The following NTRK2 variants were observed in gnomAD, a reference collection of about 807,000 sequenced individuals.
NTRK2 encodes the protein neurotrophic receptor tyrosine kinase 2.
A neutral mutation model predicts 94.5 loss-of-function variants in NTRK2; 13 were observed. The observed-to-expected ratio is 0.14, with a 90% confidence interval of 0.09 to 0.22. NTRK2 has a LOEUF of 0.22. Ranked by LOEUF, NTRK2 falls within the 10% of genes least tolerant of loss-of-function variation. The pLI, the probability that NTRK2 is intolerant of heterozygous loss-of-function variation, is 1.00. For synonymous variants in NTRK2, 372 were observed against 407.4 expected, an observed-to-expected ratio of 0.91 and a Z score of 1.05; for missense variants, 639 against 1,071.2, an observed-to-expected ratio of 0.60 and a Z score of 5.63.
chr9:84,713,446 T>A (rs991275984), intron 6 of NTRK2, among the ~76,000 whole-genome samples: 2 of 152,210 alleles, frequency 1.3e-5, no homozygotes, highest in African/African-American at 4.8e-5. Flanking sequence ...CAGTTTGTTA[T>A]CATCTGGGAT....
At chr9:84,793,466 T>C (rs12340748) in intron 12 of NTRK2, among the ~76,000 whole-genome samples, 8,856 of 152,206 alleles carry the variant, frequency 0.058, 873 homozygotes, top group African/African-American at 0.2. Flanking sequence ...ATTTTTCATA[T>C]GGTCAAGTTG....
chr9:84,838,030 T>C (rs1406096667), intron 12 of NTRK2, among the ~76,000 whole-genome samples: 1 of 152,232 alleles, frequency 6.6e-6, no homozygotes, highest in Non-Finnish European at 1.5e-5. Flanking sequence ...TAATTATAGA[T>C]ATTATGCTTT....
rs377688354 is a variant in NTRK2, at chr9:84,880,186, A to G, written c.1633+12755A>G. Among the ~76,000 whole-genome samples the G allele has an allele frequency of 1.5e-3, 221 of 152,338 alleles. 2 individuals are homozygous for G. The highest frequency in any genetic ancestry group is 4.0e-3 in the African/African-American group (165 of 41,580). Reference sequence around the variant, plus strand: ...GTGGGTTCACTCCTCGGAGATTAGCATATCTGATTTCCTAGGTGAACTTGA... The same window carrying G: ...GTGGGTTCACTCCTCGGAGATTAGCGTATCTGATTTCCTAGGTGAACTTGA... On this transcript the variant is annotated intron_variant, in intron 14 of 18. Transcript: ENST00000277120.
chr9:84,906,951 CT>C (rs938115699), intron 14 of NTRK2, among the ~76,000 whole-genome samples: 33 of 152,130 alleles, frequency 2.2e-4, no homozygotes, highest in African/African-American at 7.7e-4. Context: ...AGGAGTGTTC[CT>C]TTTTCAAAAA....
Position 84,841,645 on chromosome 9 carries a change from A to G in NTRK2, c.1397-19395A>G, listed in dbSNP as rs190898401. 2.0e-3 allele frequency among the ~76,000 whole-genome samples: 308 copies of G among 151,956 alleles called. 1 individual carries two copies. Among genetic ancestry groups the G allele is most frequent in the Middle Eastern group, 6.8e-3 (2 of 294 alleles). ...TGTCTCCCGGAGGCCTTCCCTAACCATTGTTTTCAATTGCAGCCCTTATAC... is the reference window on the plus strand; with the variant it reads ...TGTCTCCCGGAGGCCTTCCCTAACCGTTGTTTTCAATTGCAGCCCTTATAC... On this transcript the variant is annotated intron_variant, in intron 12 of 18. Coordinates refer to ENST00000277120, the MANE Select transcript of NTRK2 (RefSeq NM_006180.6).
At chr9:84,687,401 T>C (rs1170066935) in intron 2 of NTRK2, among the ~76,000 whole-genome samples, 1 of 152,232 alleles carries the variant, frequency 6.6e-6, no homozygotes, top group Non-Finnish European at 1.5e-5. Flanking sequence ...TTGTTGGAGA[T>C]CAGGTAACCC....
chr9:84,867,108 G>C, intron 13 of NTRK2, 135 bp from the exon 14 acceptor site: 1 of 791,008 alleles, frequency 1.3e-6, no homozygotes, highest in Non-Finnish European at 2.1e-6. Flanking sequence ...AGATTATAGT[G>C]ATTATTGTAC....
chr9:84,918,846 A>G (rs1249356969), intron 14 of NTRK2, among the ~76,000 whole-genome samples: 1 of 152,188 alleles, frequency 6.6e-6, no homozygotes, highest in East Asian at 1.9e-4. Flanking sequence ...GCTTTTATTA[A>G]TGCAACAACC....
At chr9:84,939,987 A>G (rs896645190) in intron 15 of NTRK2, among the ~76,000 whole-genome samples, 5 of 152,182 alleles carry the variant, frequency 3.3e-5, no homozygotes, top group East Asian at 3.9e-4. Context: ...TCCTCCTTCC[A>G]AACAGCTATG....
At chr9:84,938,674 A>C (rs1157421384) in intron 15 of NTRK2, among the ~76,000 whole-genome samples, 1 of 152,192 alleles carries the variant, frequency 6.6e-6, no homozygotes, top group Non-Finnish European at 1.5e-5. Context: ...AGTATGCAGT[A>C]AATGCTTGTT....
chr9:85,017,985 G>T (rs898598884), intron 17 of NTRK2, among the ~76,000 whole-genome samples: 16 of 152,000 alleles, frequency 1.1e-4, no homozygotes, highest in African/African-American at 3.9e-4. Flanking sequence ...ATAGCAGAAG[G>T]GATTATTTTT....
At chr9:84,870,331 G>GTGTGTGTATGTATATATATA (rs1349303529) in intron 14 of NTRK2, among the ~76,000 whole-genome samples, 1 of 31,176 alleles carries the variant, frequency 3.2e-5, no homozygotes, top group Non-Finnish European at 6.8e-5. Flanking sequence ...GTGTGTGTGT[G>GTGTGTGTATGTATATATATA]TATATATATA....
chr9:84,670,899 G>A lies in NTRK2; in HGVS notation c.151G>A (p.Gly51Ser). Residue 51 changes from glycine (G) to serine (S), a missense_variant, in exon 2 of 19, where the codon GGC (glycine) becomes AGC (serine). By Grantham distance (56) the Gly-to-Ser change is moderately conservative. Around this residue, in one of 5 missense-constraint regions of NTRK2, gnomAD observed 206 missense variants for 251.5 expected, o/e 0.82. Transcript: ENST00000277120. ...SRIWCSDPSP[G>S]IVAFPRLEPN... ...GATCTGGTGCAGCGACCCTTCTCCT[G>A]GCATCGTGGCATTTCCGAGATTGGA... The A allele has an allele frequency of 6.2e-7, 1 of 1,611,920 alleles. No homozygotes were observed. Among genetic ancestry groups the A allele is most frequent in the Non-Finnish European group, 8.5e-7 (1 of 1,180,022 alleles).
intron 12 of NTRK2, among the ~76,000 whole-genome samples, chr9:84,837,437 A>G (rs1367403394): frequency 6.6e-6 from 1 of 152,192 alleles, no homozygotes; most frequent in Non-Finnish European, 1.5e-5. Context: ...ATATCTTCAC[A>G]TGTAAAATGA....
At chr9:84,961,447 G>A (rs958109117) in intron 17 of NTRK2, among the ~76,000 whole-genome samples, 6 of 152,144 alleles carry the variant, frequency 3.9e-5, no homozygotes, top group South Asian at 4.1e-4. Context: ...AGAGGAACCC[G>A]TCTGCCAGGG....
intron 2 of NTRK2, among the ~76,000 whole-genome samples, chr9:84,690,287 A>G (rs1040970733): frequency 6.6e-6 from 1 of 152,192 alleles, no homozygotes; most frequent in African/African-American, 2.4e-5. Context: ...TCTCTTTGCC[A>G]TGCTTGACCT....
At chr9:84,848,338 AG>A (rs2074574737) in intron 12 of NTRK2, among the ~76,000 whole-genome samples, 2 of 152,338 alleles carry the variant, frequency 1.3e-5, no homozygotes, top group South Asian at 4.1e-4. Context: ...ATCCTGGTTT[AG>A]GTGTGATTTT....
At chr9:84,826,637 T>A (rs2073208940) in intron 12 of NTRK2, among the ~76,000 whole-genome samples, 2 of 152,208 alleles carry the variant, frequency 1.3e-5, no homozygotes, top group Non-Finnish European at 2.9e-5. Flanking sequence ...GCCCATGATG[T>A]GGACGTATCC....
intron 15 of NTRK2, among the ~76,000 whole-genome samples, chr9:84,935,151 C>G (rs1174793232): frequency 6.6e-6 from 1 of 152,118 alleles, no homozygotes; most frequent in African/African-American, 2.4e-5. Flanking sequence ...TGAATATGGA[C>G]ATGGCTAATG....
Sources: gnomAD v4.1 joint callset for allele counts (sites outside exome capture counted in the v4.1 genomes callset) on GRCh38, gnomAD v4.1.1 for gene constraint, gnomAD v4.1.1 regional missense constraint, MANE v1.5 for transcripts, NCBI Gene and HGNC (gene_info 2026-07-23, HGNC 2026-07-21) for gene names.